The following WNT3A variants were observed in gnomAD, a reference collection of about 807,000 sequenced individuals.
The protein encoded by WNT3A is Wnt family member 3A.
In WNT3A, 17 loss-of-function variants were observed where a neutral mutation model predicts 37.0. That is an observed-to-expected ratio of 0.46 (90% CI 0.31 to 0.69). The LOEUF (loss-of-function observed/expected upper bound fraction) is 0.69, where lower values mean the gene tolerates loss of function less well. Ranked by LOEUF, WNT3A falls within the 30% of genes least tolerant of loss-of-function variation. The pLI is 0.05. For missense variants in WNT3A, 411 were observed against 510.2 expected, an observed-to-expected ratio of 0.81 and a Z score of 1.87; for synonymous variants, 187 against 211.0, an observed-to-expected ratio of 0.89 and a Z score of 0.99.
In WNT3A at chr1:228,050,668, C is replaced by T. The variant is rs752609956; in HGVS notation, c.326C>T (p.Ser109Leu). ...CCTCTCTCTACAGCTACCAGGGAGTCGGCCTTTGTCCACGCCATTGCCTCA... is the reference window on the plus strand; with the variant it reads ...CCTCTCTCTACAGCTACCAGGGAGTTGGCCTTTGTCCACGCCATTGCCTCA... ...GPVLDKATRE[S>L]AFVHAIASAG... The change falls in exon 3 of 4, where the codon TCG becomes TTG. Residue 109 changes from serine to leucine, a missense_variant. Transcript: ENST00000284523. The surrounding 1 kb of genome is among the most constrained non-coding windows in gnomAD (Gnocchi z 5.0). 5 of 1,602,366 alleles carry T rather than the reference C, an allele frequency of 3.1e-6. No individual in the cohort carries two copies. The highest frequency in any genetic ancestry group is 2.2e-5 in the East Asian group (1 of 44,630).
rs376951430 is a variant in WNT3A at position 228,050,622 on chromosome 1, C to T, written c.314-34C>T. 1.6e-5 allele frequency: 25 copies of T among 1,551,272 alleles called. No individual in the cohort carries two copies. The highest frequency in any genetic ancestry group is 1.7e-4 in the Middle Eastern group (1 of 5,762). On this transcript the variant is annotated intron_variant, in intron 2 of 3. Transcript: ENST00000284523. This position sits in a 1 kb window ranked among gnomAD's most constrained non-coding sequence, Gnocchi z 5.0. Reference sequence around the variant, plus strand: ...GCCCAAGGCGGTCCTTTGAGCTGAGCCCTGTTAACCCTGCATCTCTCCTCT... The same window carrying T: ...GCCCAAGGCGGTCCTTTGAGCTGAGTCCTGTTAACCCTGCATCTCTCCTCT...
chr1:228,020,145 G>A (rs922989528), intron 1 of WNT3A, among the ~76,000 whole-genome samples: 1 of 152,184 alleles, frequency 6.6e-6, no homozygotes, highest in Admixed American at 6.5e-5. Context: ...AATCGCTTGA[G>A]CCAAGAGGGG....
intron 3 of WNT3A, among the ~76,000 whole-genome samples, chr1:228,058,106 C>T (rs1020813453): frequency 1.3e-5 from 2 of 152,218 alleles, no homozygotes; most frequent in Non-Finnish European, 2.9e-5. Context: ...CGGCCAGAAA[C>T]AAATTTTAAT....
intron 1 of WNT3A, among the ~76,000 whole-genome samples, chr1:228,021,686 G>T (rs756197192): frequency 6.6e-6 from 1 of 152,224 alleles, no homozygotes; most frequent in Non-Finnish European, 1.5e-5. Flanking sequence ...ACATCTAGGG[G>T]TACATAGCCA....
chr1:228,027,140 GC>G (rs2030873171), intron 2 of WNT3A, among the ~76,000 whole-genome samples: 2 of 152,204 alleles, frequency 1.3e-5, no homozygotes, highest in Admixed American at 1.3e-4. Flanking sequence ...ACGGTGCCTG[GC>G]CTTATACACC....
Position 228,060,104 on chromosome 1 carries a change from GC to G in WNT3A, c.*640del, listed in dbSNP as rs1421785968. ...GCATAGGCTCCTTCCTGTGGGTGGG[GC>G]TTCTCTGGGACCAGGCTCCAATGGG... On this transcript the variant is annotated 3_prime_UTR_variant, in exon 4 of 4. Transcript: ENST00000284523. 7.8e-7 allele frequency: 1 copy of G among 1,278,038 alleles called. No individual in the cohort carries two copies. Among genetic ancestry groups the G allele is most frequent in the African/African-American group, 1.5e-5 (1 of 65,370 alleles). 79.2% of individuals were successfully genotyped at this position (1,278,038 alleles called of 1,614,324 possible).
chr1:228,008,731 G>A lies in WNT3A; in HGVS notation c.71+1532G>A, dbSNP rs535156775. On this transcript the variant is annotated intron_variant, in intron 1 of 3. Coordinates refer to ENST00000284523, the MANE Select transcript of WNT3A (RefSeq NM_033131.4). The surrounding 1 kb of genome is among the most constrained non-coding windows in gnomAD (Gnocchi z 4.9). ...ACCAGGCTTCTAATTAGAACCCGCC[G>A]CCGCGTTCCTGAGCGCAAAAGGAAG... Among the ~76,000 whole-genome samples, 47 of 152,126 alleles carry A rather than the reference G, an allele frequency of 3.1e-4. No individual in the cohort carries two copies. Among genetic ancestry groups the A allele is most frequent in the Non-Finnish European group, 5.9e-4 (40 of 68,010 alleles).
At chr1:228,053,988 G>C (rs2031614231) in intron 3 of WNT3A, among the ~76,000 whole-genome samples, 1 of 152,116 alleles carries the variant, frequency 6.6e-6, no homozygotes, top group African/African-American at 2.4e-5. Flanking sequence ...CTGGTACCTG[G>C]GGTAGCTTTT....
At chr1:228,027,976 T>G (rs1161376088) in intron 2 of WNT3A, among the ~76,000 whole-genome samples, 1 of 152,244 alleles carries the variant, frequency 6.6e-6, no homozygotes, top group Non-Finnish European at 1.5e-5. Context: ...GCATCCAGTT[T>G]CATTCACCTA....
chr1:228,056,427 G>A (rs1271605022), intron 3 of WNT3A, among the ~76,000 whole-genome samples: 1 of 152,044 alleles, frequency 6.6e-6, no homozygotes, highest in Non-Finnish European at 1.5e-5. Context: ...TAAACATTCA[G>A]GTTACAAAAG....
chr1:228,030,210 C>T (rs2030965678), intron 2 of WNT3A, among the ~76,000 whole-genome samples: 1 of 151,952 alleles, frequency 6.6e-6, no homozygotes, highest in Non-Finnish European at 1.5e-5. Context: ...GCCTGGCTAA[C>T]ATGGTGAAAC....
In WNT3A at chr1:228,050,827, G is replaced by A; in HGVS notation, c.485G>A (p.Gly162Asp). 4 of 1,611,962 alleles carry A rather than the reference G, an allele frequency of 2.5e-6. No individual in the cohort carries two copies. Among genetic ancestry groups the A allele is most frequent in the Non-Finnish European group, 3.4e-6 (4 of 1,178,594 alleles). The change falls in exon 3 of 4, where the codon GGT becomes GAT. Residue 162 changes from glycine to aspartate, a missense_variant. Coordinates refer to ENST00000284523, the MANE Select transcript of WNT3A (RefSeq NM_033131.4). This position sits in a 1 kb window ranked among gnomAD's most constrained non-coding sequence, Gnocchi z 5.0. Reference sequence around the variant, plus strand: ...GGCTGTAGCGAGGACATCGAGTTTGGTGGGATGGTGTCTCGGGAGTTCGCC... The same window carrying A: ...GGCTGTAGCGAGGACATCGAGTTTGATGGGATGGTGTCTCGGGAGTTCGCC... ...WGGCSEDIEF[G>D]GMVSREFADA...
Position 228,060,361 on chromosome 1 carries a change from C to G in WNT3A, c.*896C>G, listed in dbSNP as rs2031777865. 10 of 1,289,622 alleles carry G rather than the reference C, an allele frequency of 7.8e-6. No homozygotes were observed. In the South Asian group the frequency reaches 9.3e-5, roughly 12 times the overall value. 79.9% of individuals were successfully genotyped at this position (1,289,622 alleles called of 1,614,324 possible). A position where few individuals can be genotyped will look rare whatever the true frequency, so the allele number is the denominator to read the frequency against. ...GATCCGAGGGCCCCTCTCCAAGCGC[C>G]TGGCTTTGGAATGCTCCAGGCGCGC... On this transcript the variant is annotated 3_prime_UTR_variant, in exon 4 of 4. Coordinates refer to ENST00000284523, the MANE Select transcript of WNT3A (RefSeq NM_033131.4).
At chr1:228,020,790 T>C (rs560947340) in intron 1 of WNT3A, among the ~76,000 whole-genome samples, 54 of 151,992 alleles carry the variant, frequency 3.6e-4, no homozygotes, top group Middle Eastern at 3.4e-3. Flanking sequence ...GGGATGCACG[T>C]GGGGTCTGGC....
At position 228,060,551 on chromosome 1, in the gene WNT3A, C is replaced by A; in HGVS notation, c.*1086C>A. 1 of 267,124 alleles carries A rather than the reference C, an allele frequency of 3.7e-6. No homozygotes were observed. Among genetic ancestry groups the A allele is most frequent in the Non-Finnish European group, 7.6e-6 (1 of 131,938 alleles). The allele number at this position is 267,124 out of a possible 1,614,324, so 16.5% of individuals were successfully genotyped here. A position where few individuals can be genotyped will look rare whatever the true frequency, so the allele number is the denominator to read the frequency against. ...CAGAGGCAAGCGACCGAGGCCCTCCCAAAGAGGCCCGCCCTGCCCGGGCTC... is the reference window on the plus strand; with the variant it reads ...CAGAGGCAAGCGACCGAGGCCCTCCAAAAGAGGCCCGCCCTGCCCGGGCTC... On this transcript the variant is annotated 3_prime_UTR_variant, in exon 4 of 4. Transcript: ENST00000284523.
At position 228,007,847 on chromosome 1, in the gene WNT3A, C is replaced by G. The variant is rs1376274594; in HGVS notation, c.71+648C>G. On this transcript the variant is annotated intron_variant, in intron 1 of 3. Transcript: ENST00000284523. The surrounding 1 kb of genome is among the most constrained non-coding windows in gnomAD (Gnocchi z 6.0). ...GAGCCCTCCGCATGGGTCCACCTGG[C>G]AATGAGGGGCTGCTGTAGAGAGAGT... Among the ~76,000 whole-genome samples the G allele has an allele frequency of 6.6e-6, 1 of 152,098 alleles. No individual in the cohort carries two copies. The highest frequency in any genetic ancestry group is 1.9e-4 in the East Asian group (1 of 5,156).
At chr1:228,046,006 G>C (rs1035742933) in intron 2 of WNT3A, among the ~76,000 whole-genome samples, 2 of 152,254 alleles carry the variant, frequency 1.3e-5, no homozygotes, top group Non-Finnish European at 2.9e-5. Context: ...TGGTTGGGGA[G>C]GGGCAGCCAG....
chr1:228,030,639 C>T (rs914113240), intron 2 of WNT3A, among the ~76,000 whole-genome samples: 18 of 152,166 alleles, frequency 1.2e-4, no homozygotes, highest in East Asian at 5.8e-4. Flanking sequence ...GCAGCCCACA[C>T]GGACTGAGAC....
intron 3 of WNT3A, among the ~76,000 whole-genome samples, chr1:228,053,563 A>T (rs935838740): frequency 1.3e-5 from 2 of 152,218 alleles, no homozygotes; most frequent in Admixed American, 6.5e-5. Flanking sequence ...ATTCACATAC[A>T]TACATCCACA....
Sources: gnomAD v4.1 joint callset for allele counts (sites outside exome capture counted in the v4.1 genomes callset) on GRCh38, gnomAD v4.1.1 for gene constraint, Gnocchi (gnomAD v3.1) non-coding constraint, MANE v1.5 for transcripts, NCBI Gene and HGNC (gene_info 2026-07-23, HGNC 2026-07-21) for gene names.